SAMD12: variants seen among roughly 807,000 people sequenced by gnomAD.
The protein encoded by SAMD12 is sterile alpha motif domain-containing protein 12.
Under a neutral mutation model 15.0 loss-of-function variants are expected in SAMD12, and 9 were observed. The observed-to-expected ratio is 0.60, with a 90% CI of 0.36 to 1.05. The LOEUF is 1.05. Among genes scored for constraint, SAMD12 ranks in the 50% least tolerant of loss-of-function variants. The pLI, the probability that SAMD12 is intolerant of heterozygous loss-of-function variation, is 0.01. For missense variants in SAMD12, 230 were observed against 234.2 expected, an observed-to-expected ratio of 0.98 and a Z score of 0.12; for synonymous variants, 86 against 90.1, an observed-to-expected ratio of 0.96 and a Z score of 0.25.
intron 4 of SAMD12, among the ~76,000 whole-genome samples, chr8:118,332,399 G>T (rs575661073): frequency 6.6e-6 from 1 of 152,234 alleles, no homozygotes; most frequent in South Asian, 2.1e-4. Flanking sequence ...AATGACCAGC[G>T]TCGCTGCAGT....
intron 3 of SAMD12, among the ~76,000 whole-genome samples, chr8:118,431,545 TA>T (rs1240688178): frequency 3.3e-5 from 5 of 152,128 alleles, no homozygotes; most frequent in Non-Finnish European, 1.5e-5. Context: ...TTCAACCCTT[TA>T]AAGTTTTCAC....
intron 2 of SAMD12, among the ~76,000 whole-genome samples, chr8:118,469,545 T>TAATATATAAATATA: frequency 4.5e-4 from 1 of 2,204 alleles, no homozygotes; most frequent in African/African-American, 7.2e-4. Flanking sequence ...ATATATTATA[T>TAATATATAAATATA]TATTATATAT....
At chr8:118,597,244 C>T (rs1170923522) in intron 1 of SAMD12, among the ~76,000 whole-genome samples, 1 of 152,204 alleles carries the variant, frequency 6.6e-6, no homozygotes, top group African/African-American at 2.4e-5. Context: ...GTCCTATCAG[C>T]TGCTGTTTGG....
chr8:118,396,407 T>C (rs898725457), intron 3 of SAMD12, among the ~76,000 whole-genome samples: 1 of 152,196 alleles, frequency 6.6e-6, no homozygotes, highest in Non-Finnish European at 1.5e-5. Flanking sequence ...TTACACCTAC[T>C]CGATTATAAT....
intron 2 of SAMD12, among the ~76,000 whole-genome samples, chr8:118,458,969 TG>T (rs1823337196): frequency 6.6e-6 from 1 of 151,842 alleles, no homozygotes; most frequent in African/African-American, 2.4e-5. Flanking sequence ...TGTGTGTGTG[TG>T]TGTGTGTGTG....
exon 5 of SAMD12, chr8:118,193,136 A>T (rs970517409): frequency 1.3e-5 from 2 of 152,104 alleles, no homozygotes; most frequent in African/African-American, 4.8e-5. Flanking sequence ...CTCACCCAGA[A>T]TTTTCCCTGT....
chr8:118,150,412 G>A, the SAMD12 span, among the ~76,000 whole-genome samples: 4 of 152,074 alleles, frequency 2.6e-5, no homozygotes, highest in Non-Finnish European at 2.9e-5. Context: ...ACAGGGTCTT[G>A]ATTTGTCCCC....
chr8:118,408,713 A>C (rs1262592466), intron 3 of SAMD12, among the ~76,000 whole-genome samples: 1 of 152,184 alleles, frequency 6.6e-6, no homozygotes, highest in Admixed American at 6.5e-5. Flanking sequence ...CTTCAAACAA[A>C]GATCAAAAGG....
the SAMD12 span, among the ~76,000 whole-genome samples, chr8:118,170,984 C>T: frequency 8.7e-3 from 1,329 of 152,154 alleles, 26 homozygotes; most frequent in African/African-American, 0.031. Context: ...AATAAAAAGA[C>T]AAATAACCAA....
At chr8:118,618,041 T>C in intron 1 of SAMD12, among the ~76,000 whole-genome samples, 1 of 149,704 alleles carries the variant, frequency 6.7e-6, no homozygotes, top group African/African-American at 2.5e-5. Context: ...TTTTTTTTTT[T>C]TAAAAAAAGG....
At chr8:118,499,587 T>A (rs76036836) in intron 2 of SAMD12, among the ~76,000 whole-genome samples, 5,986 of 152,310 alleles carry the variant, frequency 0.039, 195 homozygotes, top group South Asian at 0.13. Flanking sequence ...TGTTTTACAT[T>A]TCTAGAACAT....
At chr8:118,318,322 A>G (rs886784131) in intron 4 of SAMD12, among the ~76,000 whole-genome samples, 3,593 of 18,644 alleles carry the variant, frequency 0.19, 189 homozygotes, top group Admixed American at 0.45. Flanking sequence ...ATATATATAT[A>G]TATATATATA....
intron 2 of SAMD12, among the ~76,000 whole-genome samples, chr8:118,579,981 A>G (rs963337216): frequency 6.6e-6 from 1 of 152,162 alleles, no homozygotes; most frequent in Non-Finnish European, 1.5e-5. Context: ...ACCCCACAGA[A>G]TCCAAGTTTC....
intron 4 of SAMD12, among the ~76,000 whole-genome samples, chr8:118,203,063 A>G (rs2129781656): frequency 1.3e-5 from 2 of 152,360 alleles, no homozygotes; most frequent in East Asian, 3.9e-4. Flanking sequence ...TAGAATGCAT[A>G]GAGCTGGGAC....
chr8:118,376,745 A>G (rs1425764212), downstream of SAMD12, among the ~76,000 whole-genome samples: 1 of 151,698 alleles, frequency 6.6e-6, no homozygotes, highest in Non-Finnish European at 1.5e-5. Flanking sequence ...AAGGATTTCC[A>G]AAAACATTCC....
chr8:118,167,115 T>C, the SAMD12 span, among the ~76,000 whole-genome samples: 1 of 152,194 alleles, frequency 6.6e-6, no homozygotes, highest in African/African-American at 2.4e-5. Flanking sequence ...TGAAGCATCT[T>C]GAACTCCACT....
chr8:118,287,255 G>A (rs1432918347), intron 4 of SAMD12, among the ~76,000 whole-genome samples: 1 of 151,368 alleles, frequency 6.6e-6, no homozygotes, highest in Non-Finnish European at 1.5e-5. Flanking sequence ...CTTCCGAGTA[G>A]CTGGGACTAC....
At chr8:118,305,882 C>T (rs1179730432) in intron 4 of SAMD12, among the ~76,000 whole-genome samples, 5 of 152,166 alleles carry the variant, frequency 3.3e-5, no homozygotes, top group South Asian at 2.1e-4. Flanking sequence ...GGAAGGAGGC[C>T]GAGGGACAGA....
intron 2 of SAMD12, among the ~76,000 whole-genome samples, chr8:118,504,781 C>A (rs1467635332): frequency 6.6e-6 from 1 of 152,174 alleles, no homozygotes; most frequent in Non-Finnish European, 1.5e-5. Context: ...AGAGCAGAGA[C>A]ACATGGCCAT....
Sources: allele counts gnomAD v4.1 joint callset (sites outside exome capture counted in the v4.1 genomes callset), GRCh38; gene constraint gnomAD v4.1.1; transcripts MANE v1.5; gene names NCBI Gene and HGNC (gene_info 2026-07-23, HGNC 2026-07-21).